The following TRABD2B variants were observed in gnomAD, a reference collection of about 807,000 sequenced individuals.
TRABD2B encodes the protein metalloprotease TIKI2.
In TRABD2B, 14 loss-of-function variants were observed where a neutral mutation model predicts 40.1. The observed-to-expected ratio is 0.35, with a 90% CI of 0.23 to 0.55. TRABD2B has a LOEUF of 0.55. Among genes scored for constraint, TRABD2B ranks in the 20% least tolerant of loss-of-function variants. The pLI, the probability that TRABD2B is intolerant of heterozygous loss-of-function variation, is 0.90. For missense variants in TRABD2B, 541 were observed against 648.6 expected, an observed-to-expected ratio of 0.83 and a Z score of 1.80; for synonymous variants, 263 against 277.0, an observed-to-expected ratio of 0.95 and a Z score of 0.50.
At chr1:47,895,215 C>A (rs923678313) in intron 2 of TRABD2B, among the ~76,000 whole-genome samples, 2 of 152,232 alleles carry the variant, frequency 1.3e-5, no homozygotes, top group Non-Finnish European at 2.9e-5. Flanking sequence ...AGAGGATGAG[C>A]GGAGGGGACG....
chr1:47,798,212 A>C (rs1214153405), intron 3 of TRABD2B, among the ~76,000 whole-genome samples: 1 of 152,210 alleles, frequency 6.6e-6, no homozygotes, highest in African/African-American at 2.4e-5. Context: ...AGCCCAGAGG[A>C]GGCACCTAAT....
chr1:47,867,469 T>C (rs969345528), intron 2 of TRABD2B, among the ~76,000 whole-genome samples: 1 of 152,200 alleles, frequency 6.6e-6, no homozygotes, highest in Non-Finnish European at 1.5e-5. Flanking sequence ...TACTTAGCAT[T>C]ACATGCGCTG....
chr1:47,809,269 G>A (rs1044200684), intron 2 of TRABD2B, among the ~76,000 whole-genome samples: 1 of 152,202 alleles, frequency 6.6e-6, no homozygotes, highest in Admixed American at 6.5e-5. Flanking sequence ...CCCGCTTGAG[G>A]ATGAATGCTC....
chr1:47,994,031 T>A lies in TRABD2B; in HGVS notation c.666+3A>T. The A allele has an allele frequency of 3.3e-6, 5 of 1,533,106 alleles. No homozygotes were observed. Among genetic ancestry groups the A allele is most frequent in the Non-Finnish European group, 4.4e-6 (5 of 1,144,600 alleles). The allele number at this position is 1,533,106 out of a possible 1,614,324, so 95.0% of individuals were successfully genotyped here. On this transcript the variant is annotated splice_donor_region_variant and intron_variant, in intron 2 of 6. Transcript: ENST00000606738. This position sits in a 1 kb window ranked among gnomAD's most constrained non-coding sequence, Gnocchi z 6.7. ...GCTCCGGGCTGGGGCACTGCATGCC[T>A]ACCTGGGAGAAGTTGAGCCCGTTGT...
intron 2 of TRABD2B, among the ~76,000 whole-genome samples, chr1:47,874,342 G>A (rs1215133446): frequency 3.0e-5 from 4 of 131,732 alleles, no homozygotes; most frequent in African/African-American, 8.7e-5. Flanking sequence ...GCGCAATCTC[G>A]GCTCACTGCA....
chr1:47,803,256 T>G (rs1206814537), intron 2 of TRABD2B, among the ~76,000 whole-genome samples: 1 of 152,228 alleles, frequency 6.6e-6, no homozygotes, highest in Non-Finnish European at 1.5e-5. Context: ...CTCCCTGTAT[T>G]CATGCCCTTT....
At chr1:47,967,902 T>C (rs1645626071) in intron 2 of TRABD2B, among the ~76,000 whole-genome samples, 1 of 152,258 alleles carries the variant, frequency 6.6e-6, no homozygotes, top group Non-Finnish European at 1.5e-5. Context: ...CTAACGGTTA[T>C]AACTTTTTAT....
chr1:47,774,580 G>A (rs1569889832), intron 6 of TRABD2B, among the ~76,000 whole-genome samples: 2 of 152,284 alleles, frequency 1.3e-5, no homozygotes, highest in East Asian at 1.9e-4. Flanking sequence ...GGGCATATAG[G>A]AAGAGGACAG....
Position 47,799,796 on chromosome 1 carries a change from CA to C in TRABD2B, c.813+1676del, listed in dbSNP as rs1644796271. On this transcript the variant is annotated intron_variant, in intron 3 of 6. Coordinates refer to ENST00000606738, the MANE Select transcript of TRABD2B (RefSeq NM_001194986.2). The stretch of plus-strand genomic sequence containing the variant: ...GGTTCTTCCATGCCCTCTCATCTTG[CA>C]AAAATCTTTCCTTCTCTCCCCAGTC... Among the ~76,000 whole-genome samples, 4 of 152,082 alleles carry C rather than the reference CA, an allele frequency of 2.6e-5. No individual in the cohort carries two copies. The South Asian group carries it at 6.2e-4, about 24-fold the overall frequency.
chr1:47,989,351 C>T (rs374836669), intron 2 of TRABD2B, among the ~76,000 whole-genome samples: 1 of 152,332 alleles, frequency 6.6e-6, no homozygotes, highest in South Asian at 2.1e-4. Context: ...AATGATGCTG[C>T]ATGGTGGAAC....
chr1:47,762,853 C>T lies in TRABD2B; in HGVS notation c.*3049G>A, dbSNP rs970793589. On this transcript the variant is annotated 3_prime_UTR_variant, in exon 7 of 7. Coordinates refer to ENST00000606738, the MANE Select transcript of TRABD2B (RefSeq NM_001194986.2). Reference sequence around the variant, plus strand: ...GGGGACATGGCCATTCCAACATGCCCCAGAGAGCCCTTCATCACACAGTCA... The same window carrying T: ...GGGGACATGGCCATTCCAACATGCCTCAGAGAGCCCTTCATCACACAGTCA... The T allele has an allele frequency of 2.0e-5, 3 of 152,152 alleles. No homozygotes were observed. Among genetic ancestry groups the T allele is most frequent in the Non-Finnish European group, 4.4e-5 (3 of 68,038 alleles). The allele number at this position is 152,152 out of a possible 1,614,324, so 9.4% of individuals were successfully genotyped here.
chr1:47,824,772 C>G (rs538186453), intron 2 of TRABD2B, among the ~76,000 whole-genome samples: 6 of 152,144 alleles, frequency 3.9e-5, no homozygotes, highest in Admixed American at 1.3e-4. Flanking sequence ...CCATTGTTTC[C>G]GGGCCCAGAG....
intron 2 of TRABD2B, among the ~76,000 whole-genome samples, chr1:47,971,313 T>C (rs1178088695): frequency 2.0e-5 from 3 of 152,224 alleles, no homozygotes; most frequent in Non-Finnish European, 4.4e-5. Context: ...GGTATGAATG[T>C]AGCTCTTAAC....
At chr1:47,778,328 T>C in intron 5 of TRABD2B, 126 bp downstream of exon 5, 1 of 710,496 alleles carries the variant, frequency 1.4e-6, no homozygotes, top group Non-Finnish European at 2.4e-6. Context: ...CAGCCCAGCC[T>C]TTCCATTCTT....
At chr1:47,946,063 G>A (rs554422186) in intron 2 of TRABD2B, among the ~76,000 whole-genome samples, 8 of 152,180 alleles carry the variant, frequency 5.3e-5, no homozygotes, top group South Asian at 2.1e-4. Flanking sequence ...TGCTATTATC[G>A]GTTTTAATTG....
At chr1:47,888,420 G>A (rs1644402006) in intron 2 of TRABD2B, among the ~76,000 whole-genome samples, 1 of 152,158 alleles carries the variant, frequency 6.6e-6, no homozygotes. Flanking sequence ...GGAGAGGAGT[G>A]GAGGCTCAGG....
At position 47,781,661 on chromosome 1, in the gene TRABD2B, A is replaced by T. The variant is rs149268392; in HGVS notation, c.989-3117T>A. Reference sequence around the variant, plus strand: ...CCAATTCCCATTCTCTCCTTCTCTAAGCCACACTCACCTTCCTTTCCCTCT... The same window carrying T: ...CCAATTCCCATTCTCTCCTTCTCTATGCCACACTCACCTTCCTTTCCCTCT... On this transcript the variant is annotated intron_variant, in intron 4 of 6. Coordinates refer to ENST00000606738, the MANE Select transcript of TRABD2B (RefSeq NM_001194986.2). Among the ~76,000 whole-genome samples the T allele has an allele frequency of 1.9e-3, 289 of 152,318 alleles. 2 individuals carry two copies. The highest frequency in any genetic ancestry group is 6.4e-3 in the African/African-American group (268 of 41,568).
At chr1:47,922,347 C>G (rs1351871781) in intron 2 of TRABD2B, among the ~76,000 whole-genome samples, 1 of 152,144 alleles carries the variant, frequency 6.6e-6, no homozygotes, top group Non-Finnish European at 1.5e-5. Flanking sequence ...AGGGTCAGGG[C>G]CTGGTCAGAG....
chr1:47,804,378 G>T (rs1455790243), intron 2 of TRABD2B, among the ~76,000 whole-genome samples: 1 of 152,232 alleles, frequency 6.6e-6, no homozygotes, highest in Non-Finnish European at 1.5e-5. Context: ...ACATGCCTCG[G>T]ATGAAAGTGT....
Sources: allele counts gnomAD v4.1 joint callset (sites outside exome capture counted in the v4.1 genomes callset), GRCh38; gene constraint gnomAD v4.1.1; non-coding constraint Gnocchi (gnomAD v3.1); transcripts MANE v1.5; gene names NCBI Gene and HGNC (gene_info 2026-07-23, HGNC 2026-07-21).